Variants in ADCK1 observed in about 807,000 individuals in gnomAD.
The protein encoded by ADCK1 is aarF domain-containing protein kinase 1.
Under a neutral mutation model 52.3 loss-of-function variants are expected in ADCK1, and 41 were observed. The ratio of observed to expected loss-of-function variants is 0.78; its 90% CI spans 0.61 to 1.02. The LOEUF is 1.02. Among genes scored for constraint, ADCK1 ranks in the 50% least tolerant of loss-of-function variants. The probability of loss-of-function intolerance (pLI) is 0.00; values close to 1 mark genes in which losing one functional copy is unlikely to be tolerated. For missense variants in ADCK1, 658 were observed against 679.5 expected (o/e 0.97, Z 0.35); for synonymous variants, 250 against 274.6 (o/e 0.91, Z 0.89).
chr14:77,875,440 G>A (rs1307856521), intron 4 of ADCK1, among the ~76,000 whole-genome samples: 3 of 151,992 alleles, frequency 2.0e-5, no homozygotes, highest in Admixed American at 1.3e-4. Context: ...GCAATGTGGG[G>A]TTCAGCATTG....
intron 4 of ADCK1, 69 bp from the exon 5 acceptor site, chr14:77,887,022 A>G (rs2083169833): frequency 2.0e-6 from 3 of 1,479,276 alleles, no homozygotes; most frequent in Middle Eastern, 1.8e-4. Context: ...ACTCTGGCCC[A>G]TCTTCCTGGC....
chr14:77,833,479 A>G (rs1302474971), intron 3 of ADCK1, among the ~76,000 whole-genome samples: 3 of 152,226 alleles, frequency 2.0e-5, no homozygotes, highest in African/African-American at 7.2e-5. Context: ...CTGCAGGAGC[A>G]TGAGCTGCAT....
At position 77,925,849 on chromosome 14, in the gene ADCK1, G is replaced by A; in HGVS notation, c.1094G>A (p.Ser365Asn). Residue 365 changes from serine to asparagine, a missense_variant, in exon 9 of 11, where the codon AGC becomes AAC. Physicochemically the swap from Ser to Asn is conservative, Grantham distance 46. Coordinates refer to ENST00000238561, the MANE Select transcript of ADCK1 (RefSeq NM_020421.4). ...GACATGAAGAGAGTGAAGGAGTACA[G>A]CCAGCGACTGGGAGCCGGGGATCTC... ...WTDMKRVKEY[S>N]QRLGAGDLYP... 1.9e-6 allele frequency: 3 copies of A among 1,614,236 alleles called. No individual in the cohort carries two copies. The highest frequency in any genetic ancestry group is 1.7e-6 in the Non-Finnish European group (2 of 1,180,036).
At chr14:77,824,877 A>G (rs1421214104) in intron 3 of ADCK1, among the ~76,000 whole-genome samples, 1 of 152,236 alleles carries the variant, frequency 6.6e-6, no homozygotes, top group Non-Finnish European at 1.5e-5. Context: ...TGTTTGTTGA[A>G]GAAACCAGAT....
chr14:77,908,071 A>C (rs1001393319), intron 7 of ADCK1, 152 bp downstream of exon 7: 3 of 635,716 alleles, frequency 4.7e-6, no homozygotes, highest in Non-Finnish European at 5.4e-6. Context: ...ACTTTGAGCA[A>C]GAAAGATTCT....
chr14:77,888,360 C>T (rs80127176), intron 5 of ADCK1, among the ~76,000 whole-genome samples: 7 of 152,122 alleles, frequency 4.6e-5, no homozygotes, highest in South Asian at 2.1e-4. Flanking sequence ...CAAGCTAAGG[C>T]GTAGAATGGT....
rs148815868 is a variant in ADCK1, at chr14:77,836,489, T to G, written c.219+13971T>G. Among the ~76,000 whole-genome samples the G allele has an allele frequency of 2.0e-5, 3 of 152,360 alleles. No homozygotes were observed. In the East Asian group the frequency reaches 5.8e-4, roughly 29 times the overall value. On this transcript the variant is annotated intron_variant, in intron 3 of 10. Coordinates refer to ENST00000238561, the MANE Select transcript of ADCK1 (RefSeq NM_020421.4). Reference sequence around the variant, plus strand: ...ATGAACAGACGGATGGAGTGACTTGTTCAAGCGTCCACAGCTAGCAAGCGG... The same window carrying G: ...ATGAACAGACGGATGGAGTGACTTGGTCAAGCGTCCACAGCTAGCAAGCGG...
At chr14:77,837,575 T>A (rs2081987328) in intron 3 of ADCK1, among the ~76,000 whole-genome samples, 1 of 152,236 alleles carries the variant, frequency 6.6e-6, no homozygotes, top group South Asian at 2.1e-4. Flanking sequence ...TTAGAATTAA[T>A]GCCAAATGGT....
At chr14:77,807,346 G>A (rs1194945192) in intron 1 of ADCK1, among the ~76,000 whole-genome samples, 1 of 151,814 alleles carries the variant, frequency 6.6e-6, no homozygotes, top group African/African-American at 2.4e-5. Context: ...GGGACTACAG[G>A]CGTGAGCCAC....
intron 1 of ADCK1, among the ~76,000 whole-genome samples, chr14:77,818,019 T>C (rs2081499591): frequency 6.6e-6 from 1 of 151,936 alleles, no homozygotes; most frequent in Non-Finnish European, 1.5e-5. Context: ...ATTACAGGCG[T>C]GAGCCACCAC....
Position 77,931,655 on chromosome 14 carries a change from C to T in ADCK1, c.1344C>T (p.Arg448=), listed in dbSNP as rs774900095. The T allele has an allele frequency of 1.6e-5, 26 of 1,610,066 alleles. No homozygotes were observed. Among genetic ancestry groups the T allele is most frequent in the South Asian group, 4.4e-5 (4 of 91,082 alleles). Residue 448 remains arginine, a synonymous_variant, in exon 10 of 11, where the codon CGC becomes CGT. Transcript: ENST00000238561. ...GCATTGAGGCCGCCCTGGGCACCCG[C>T]GCCAGCGCCAGCTCCTTTCTCAACA... ...LRGIEAALGT[R]ASASSFLNMS... is the part of the protein sequence containing the mutation.
intron 2 of ADCK1, 80 bp from the exon 3 acceptor site, chr14:77,822,355 A>T (rs1354422487): frequency 8.9e-7 from 1 of 1,123,446 alleles, no homozygotes; most frequent in East Asian, 2.3e-5. Flanking sequence ...TGTGTCAGGG[A>T]CCTGTACTGC....
intron 3 of ADCK1, among the ~76,000 whole-genome samples, chr14:77,847,799 C>G (rs2082201476): frequency 6.6e-6 from 1 of 152,166 alleles, no homozygotes. Context: ...ACAATGATTC[C>G]CAATCTGTTT....
intron 5 of ADCK1, among the ~76,000 whole-genome samples, chr14:77,895,448 A>G (rs17753231): frequency 0.036 from 5,511 of 152,306 alleles, 146 homozygotes; most frequent in South Asian, 0.065. Flanking sequence ...TTCAATAAAC[A>G]TCTGTGGAGT....
chr14:77,925,371 C>T (rs1211671588), intron 8 of ADCK1, among the ~76,000 whole-genome samples: 6 of 152,294 alleles, frequency 3.9e-5, no homozygotes, highest in Middle Eastern at 3.4e-3. Flanking sequence ...TGGCAGCTGG[C>T]GGCAGGGTGA....
intron 5 of ADCK1, among the ~76,000 whole-genome samples, chr14:77,893,694 A>G (rs971466848): frequency 2.0e-5 from 3 of 149,772 alleles, no homozygotes; most frequent in Admixed American, 2.0e-4. Flanking sequence ...CAGCATTTTC[A>G]GTGCATTCTG....
At chr14:77,896,803 A>G (rs557224068) in intron 5 of ADCK1, among the ~76,000 whole-genome samples, 1 of 152,378 alleles carries the variant, frequency 6.6e-6, no homozygotes, top group African/African-American at 2.4e-5. Flanking sequence ...CTAGCCCATG[A>G]AAGACCAGAC....
chr14:77,916,838 A>G (rs1403822243), intron 7 of ADCK1, among the ~76,000 whole-genome samples: 1 of 152,242 alleles, frequency 6.6e-6, no homozygotes, highest in Non-Finnish European at 1.5e-5. Flanking sequence ...ACCCATGGAC[A>G]AGTTTGGACT....
intron 6 of ADCK1, 33 bp downstream of exon 6, chr14:77,899,291 G>A (rs763532926): frequency 6.2e-7 from 1 of 1,612,526 alleles, no homozygotes; most frequent in Non-Finnish European, 8.5e-7. Context: ...GGGTATGGTG[G>A]TCTGGTGGAA....
Sources: gnomAD v4.1 joint callset for allele counts (sites outside exome capture counted in the v4.1 genomes callset) on GRCh38, gnomAD v4.1.1 for gene constraint, MANE v1.5 for transcripts, NCBI Gene and HGNC (gene_info 2026-07-23, HGNC 2026-07-21) for gene names.